The following PPP1R3E variants were observed in gnomAD, a reference collection of about 807,000 sequenced individuals.
PPP1R3E encodes protein phosphatase 1 regulatory subunit 3E, also known as protein phosphatase 1, regulatory (inhibitor) subunit 3E.
PPP1R3E carries 20 observed loss-of-function variants against 18.5 expected under a neutral mutation model. The ratio of observed to expected loss-of-function variants is 1.08; its 90% CI spans 0.76 to 1.58. The LOEUF is 1.58. Among genes scored for constraint, PPP1R3E ranks in the 40% most tolerant of loss-of-function variants. The probability of loss-of-function intolerance (pLI) is 0.00; values close to 1 mark genes in which losing one functional copy is unlikely to be tolerated. For missense variants in PPP1R3E, 498 were observed against 460.2 expected (o/e 1.08, Z -0.75); for synonymous variants, 208 against 208.1 (o/e 1.00, Z 0.00).
Position 23,301,744 on chromosome 14 carries a change from C to T in PPP1R3E, c.532G>A (p.Ala178Thr), listed in dbSNP as rs369376909. The T allele has an allele frequency of 2.1e-5, 29 of 1,413,478 alleles. No homozygotes were observed. In the East Asian group the frequency reaches 2.5e-4, roughly 12 times the overall value. The allele number at this position is 1,413,478 out of a possible 1,614,324, so 87.6% of individuals were successfully genotyped here. The change falls in exon 2 of 5, where the codon GCG becomes ACG. Residue 178 changes from alanine (A) to threonine (T), a missense_variant. Ala to Thr is a moderately conservative substitution (Grantham distance 58). Transcript: ENST00000452015. ...EAGPLGVAGS[A>T]RVVDLAYEKR... ...TCGTAGGCCAGGTCCACCACGCGCG[C>T]GCTCCCGGCCACGCCCAGCGGGCCC...
At position 23,302,245 on chromosome 14, in the gene PPP1R3E, C is replaced by T; in HGVS notation, c.332G>A (p.Arg111Gln). 6.6e-7 allele frequency: 1 copy of T among 1,517,164 alleles called. No individual in the cohort carries two copies. Among genetic ancestry groups the T allele is most frequent in the Non-Finnish European group, 8.8e-7 (1 of 1,140,360 alleles). 94.0% of individuals were successfully genotyped at this position (1,517,164 alleles called of 1,614,324 possible). ...VRRFRPGELPRVPRHVQIQLQ... is the reference protein window; with the variant it reads ...VRRFRPGELPQVPRHVQIQLQ... ...TTGGATCTGCACGTGGCGGGGCACC[C>T]GGGGCAGCTCACCGGGACGGAAGCG... Residue 111 changes from arginine to glutamine, a missense_variant, in exon 1 of 5, where the codon CGG (arginine) becomes CAG (glutamine). Transcript: ENST00000452015.
intron 2 of PPP1R3E, 185 bp from the exon 3 acceptor site, chr14:23,301,049 TAG>T (rs1374812686): frequency 5.0e-6 from 1 of 198,050 alleles, no homozygotes; most frequent in Non-Finnish European, 1.0e-5. Context: ...TTCAACCGCC[TAG>T]GCCTGATGGA....
At position 23,296,674 on chromosome 14, in the gene PPP1R3E, TG is replaced by T. The variant is rs1360726139; in HGVS notation, c.*2629del. On this transcript the variant is annotated 3_prime_UTR_variant, in exon 5 of 5. Transcript: ENST00000452015. ...AGAGACCTGTTTCCTAGCCTGGGAATGGGTGATCAGGAGGCCTGAGTTTAAG... is the reference window on the plus strand; with the variant it reads ...AGAGACCTGTTTCCTAGCCTGGGAATGGTGATCAGGAGGCCTGAGTTTAAG... 2 of 152,240 alleles carry T rather than the reference TG, an allele frequency of 1.3e-5. No homozygotes were observed. The highest frequency in any genetic ancestry group is 4.8e-5 in the African/African-American group (2 of 41,436). 9.4% of individuals were successfully genotyped at this position (152,240 alleles called of 1,614,324 possible).
Position 23,301,463 on chromosome 14 carries a change from C to A in PPP1R3E, c.813G>T (p.Glu271Asp). 6.8e-7 allele frequency: 1 copy of A among 1,461,836 alleles called. No individual in the cohort carries two copies. Among genetic ancestry groups the A allele is most frequent in the Non-Finnish European group, 9.0e-7 (1 of 1,110,808 alleles). 90.6% of individuals were successfully genotyped at this position (1,461,836 alleles called of 1,614,324 possible). Reference protein sequence around the residue: ...PEHPGSGGAPEPQGWIHFI With the variant: ...PEHPGSGGAPDPQGWIHFI ...AGATAAAGTGGATCCAGCCCTGCGG[C>A]TCCGGAGCTCCGCCACTGCCCGGGT... The change falls in exon 2 of 5, where the codon GAG becomes GAT. Residue 271 changes from glutamate to aspartate, a missense_variant. Coordinates refer to ENST00000452015, the MANE Select transcript of PPP1R3E (RefSeq NM_001276318.2).
In PPP1R3E at chr14:23,301,555, G is replaced by T. The variant is rs765562804; in HGVS notation, c.721C>A (p.Arg241Ser). The change falls in exon 2 of 5, where the codon CGT (arginine) becomes AGT (serine). Residue 241 changes from arginine (R) to serine (S), a missense_variant. By Grantham distance (110) the Arg-to-Ser change is moderately radical. Coordinates refer to ENST00000452015, the MANE Select transcript of PPP1R3E (RefSeq NM_001276318.2). ...GGALLFALRY[R>S]VTGHEFWDNN... ...TCCCAGAACTCGTGACCTGTCACAC[G>T]GTAGCGCAAGGCGAAGAGCAGGGCG... The T allele has an allele frequency of 2.0e-6, 3 of 1,484,174 alleles. No homozygotes were observed. The highest frequency in any genetic ancestry group is 2.7e-6 in the Non-Finnish European group (3 of 1,120,320). The allele number at this position is 1,484,174 out of a possible 1,614,324, so 91.9% of individuals were successfully genotyped here.
At position 23,302,469 on chromosome 14, in the gene PPP1R3E, C is replaced by T. The variant is rs561953646; in HGVS notation, c.108G>A (p.Glu36=). ...YYRSQRPSLE[E]EPEEEPGEGG... The stretch of plus-strand genomic sequence containing the variant: ...CCTCGCCTGGCTCCTCCTCCGGCTC[C>T]TCCTCGAGGCTGGGCCGCTGGCTAC... Residue 36 remains glutamate (E), a synonymous_variant, in exon 1 of 5, where the codon GAG becomes GAA. Coordinates refer to ENST00000452015, the MANE Select transcript of PPP1R3E (RefSeq NM_001276318.2). 229 of 1,507,258 alleles carry T rather than the reference C, an allele frequency of 1.5e-4. No homozygotes were observed. Among genetic ancestry groups the T allele is most frequent in the Middle Eastern group, 1.1e-3 (6 of 5,486 alleles). The allele number at this position is 1,507,258 out of a possible 1,614,324, so 93.4% of individuals were successfully genotyped here.
Position 23,301,685 on chromosome 14 carries a change from G to T in PPP1R3E, c.591C>A (p.Gly197=). 7.5e-7 allele frequency: 1 copy of T among 1,334,434 alleles called. No homozygotes were observed. The highest frequency in any genetic ancestry group is 3.2e-5 in the East Asian group (1 of 31,360). 82.7% of individuals were successfully genotyped at this position (1,334,434 alleles called of 1,614,324 possible). Residue 197 remains glycine, a synonymous_variant, in exon 2 of 5, where the codon GGC becomes GGA. Coordinates refer to ENST00000452015, the MANE Select transcript of PPP1R3E (RefSeq NM_001276318.2). ...CTGGCGCCTCGCGTTGGCTCCGCCA[G>T]CCGTCGGCGCTCCAGCGCACGCTCA... ...KRVSVRWSAD[G]WRSQREAPAA... is the part of the protein sequence containing the mutation.
At position 23,302,528 on chromosome 14, in the gene PPP1R3E, A is replaced by G; in HGVS notation, c.49T>C (p.Phe17Leu). ...GCGCGCTCCGTTAGCGCGGCGATGA[A>G]GCTCAGGTTGCGGGGAATGTCGGTG... is the stretch of plus-strand genomic sequence containing the variant. Reference protein sequence around the residue: ...PGTDIPRNLSFIAALTERAYY... With the variant: ...PGTDIPRNLSLIAALTERAYY... Residue 17 changes from phenylalanine to leucine, a missense_variant, in exon 1 of 5, where the codon TTC becomes CTC. Transcript: ENST00000452015. 6.7e-7 allele frequency: 1 copy of G among 1,494,316 alleles called. No homozygotes were observed. The highest frequency in any genetic ancestry group is 8.8e-7 in the Non-Finnish European group (1 of 1,130,398). The allele number at this position is 1,494,316 out of a possible 1,614,324, so 92.6% of individuals were successfully genotyped here.
At position 23,301,381 on chromosome 14, in the gene PPP1R3E, G is replaced by A. The variant is rs1025496196; in HGVS notation, c.*55C>T. ...CTACTCCTCCCCGCCACATCGGGTC[G>A]CCCCGCCCCCGGGTGCCTTTGGTGT... On this transcript the variant is annotated 3_prime_UTR_variant, in exon 2 of 5. Coordinates refer to ENST00000452015, the MANE Select transcript of PPP1R3E (RefSeq NM_001276318.2). 42 of 1,308,228 alleles carry A rather than the reference G, an allele frequency of 3.2e-5. No individual in the cohort carries two copies. Among genetic ancestry groups the A allele is most frequent in the Non-Finnish European group, 4.1e-5 (42 of 1,026,776 alleles). The allele number at this position is 1,308,228 out of a possible 1,614,324, so 81.0% of individuals were successfully genotyped here. A position where few individuals can be genotyped will look rare whatever the true frequency, so the allele number is the denominator to read the frequency against.
In PPP1R3E at chr14:23,301,877, G is replaced by A. The variant is rs765396697; in HGVS notation, c.418-19C>T. On this transcript the variant is annotated intron_variant, in intron 1 of 4. Coordinates refer to ENST00000452015, the MANE Select transcript of PPP1R3E (RefSeq NM_001276318.2). ...GCGCCTCCTGGGGGAAAGAAGAAGC[G>A]GGAGGAGGGAGCCCAGGGCGGAGAG... 19 of 1,420,976 alleles carry A rather than the reference G, an allele frequency of 1.3e-5. No individual in the cohort carries two copies. The East Asian group carries it at 5.1e-4, about 38-fold the overall frequency. The allele number at this position is 1,420,976 out of a possible 1,614,324, so 88.0% of individuals were successfully genotyped here. A position where few individuals can be genotyped will look rare whatever the true frequency, so the allele number is the denominator to read the frequency against.
chr14:23,302,645 C>G lies in PPP1R3E; in HGVS notation c.-69G>C. The stretch of plus-strand genomic sequence containing the variant: ...CTCCCCTCTCTTCCTCTCTCCCGCC[C>G]GCCCCGCGTCAGCGCAGAAGTCGCT... On this transcript the variant is annotated 5_prime_UTR_variant, in exon 1 of 5. Coordinates refer to ENST00000452015, the MANE Select transcript of PPP1R3E (RefSeq NM_001276318.2). 1 of 1,367,210 alleles carries G rather than the reference C, an allele frequency of 7.3e-7. No homozygotes were observed. Among genetic ancestry groups the G allele is most frequent in the Middle Eastern group, 2.6e-4 (1 of 3,856 alleles). The allele number at this position is 1,367,210 out of a possible 1,614,324, so 84.7% of individuals were successfully genotyped here.
At chr14:23,299,695 G>T (rs1886970975) in intron 3 of PPP1R3E, 154 bp from the exon 4 acceptor site, 1 of 151,854 alleles carries the variant, frequency 6.6e-6, no homozygotes, top group Non-Finnish European at 1.5e-5. Flanking sequence ...CACAAGGAAA[G>T]AAAGAGAGAA....
In PPP1R3E at chr14:23,302,765, C is replaced by T; in HGVS notation, c.-189G>A. On this transcript the variant is annotated 5_prime_UTR_variant, in exon 1 of 5. Coordinates refer to ENST00000452015, the MANE Select transcript of PPP1R3E (RefSeq NM_001276318.2). ...CGTTGCTTTGCCTCTCCTCTGTGAC[C>T]ACCCTTCCCTCCCTCTGGCCGTCAG... is the stretch of plus-strand genomic sequence containing the variant. The T allele has an allele frequency of 1.8e-6, 1 of 558,030 alleles. No individual in the cohort carries two copies. The highest frequency in any genetic ancestry group is 4.1e-5 in the Admixed American group (1 of 24,458). The allele number at this position is 558,030 out of a possible 1,614,324, so 34.6% of individuals were successfully genotyped here.
chr14:23,302,478 G>T lies in PPP1R3E; in HGVS notation c.99C>A (p.Ser33Arg). 1 of 1,506,054 alleles carries T rather than the reference G, an allele frequency of 6.6e-7. No homozygotes were observed. The highest frequency in any genetic ancestry group is 8.8e-7 in the Non-Finnish European group (1 of 1,136,122). 93.3% of individuals were successfully genotyped at this position (1,506,054 alleles called of 1,614,324 possible). ...GCTCCTCCTCCGGCTCCTCCTCGAG[G>T]CTGGGCCGCTGGCTACGGTAGTAGG... Reference protein sequence around the residue: ...ERAYYRSQRPSLEEEPEEEPG... With the variant: ...ERAYYRSQRPRLEEEPEEEPG... The change falls in exon 1 of 5, where the codon AGC (serine) becomes AGA (arginine). Residue 33 changes from serine (S) to arginine (R), a missense_variant. Ser to Arg is a moderately radical substitution (Grantham distance 110, BLOSUM62 -1). Transcript: ENST00000452015.
rs1303524241 is a variant in PPP1R3E, at chr14:23,302,316, T to C, written c.261A>G (p.Arg87=). 6.6e-7 allele frequency: 1 copy of C among 1,517,976 alleles called. No individual in the cohort carries two copies. The highest frequency in any genetic ancestry group is 1.4e-5 in the African/African-American group (1 of 69,988). 94.0% of individuals were successfully genotyped at this position (1,517,976 alleles called of 1,614,324 possible). The change falls in exon 1 of 5, where the codon AGA becomes AGG. Residue 87 remains arginine, a synonymous_variant. Transcript: ENST00000452015. ...ACCCCAGTGCGTCGGCGAAACGCAC[T>C]CTCTTGCGGGTGTCTGGGCTACGGC... ...PRSRSPDTRK[R]VRFADALGLE... is the part of the protein sequence containing the mutation.
At position 23,300,848 on chromosome 14, in the gene PPP1R3E, G is replaced by A. The variant is rs1035273248; in HGVS notation, c.*155C>T. On this transcript the variant is annotated 3_prime_UTR_variant, in exon 3 of 5. Transcript: ENST00000452015. ...TCCCGTCATAATGCCAAGGACCAAG[G>A]AGCAGTGGCCAGGTTCCTGGGATTA... 1 of 152,342 alleles carries A rather than the reference G, an allele frequency of 6.6e-6. No homozygotes were observed. The highest frequency in any genetic ancestry group is 2.4e-5 in the African/African-American group (1 of 41,462). The allele number at this position is 152,342 out of a possible 1,614,324, so 9.4% of individuals were successfully genotyped here. A position where few individuals can be genotyped will look rare whatever the true frequency, so the allele number is the denominator to read the frequency against.
At chr14:23,299,926 TG>T (rs1886982324) in intron 3 of PPP1R3E, among the ~76,000 whole-genome samples, 6 of 91,236 alleles carry the variant, frequency 6.6e-5, no homozygotes, top group Admixed American at 1.3e-4. Flanking sequence ...TTTTTGTTTT[TG>T]TTTTTTTTTT....
chr14:23,302,805 G>A lies in PPP1R3E; in HGVS notation c.-229C>T. On this transcript the variant is annotated 5_prime_UTR_variant, in exon 1 of 5. Coordinates refer to ENST00000452015, the MANE Select transcript of PPP1R3E (RefSeq NM_001276318.2). ...CTGGCCGTCAGCTTCCAGGGTCTTAGACTATCACATCCTGCCTCCTGCTAG... is the reference window on the plus strand; with the variant it reads ...CTGGCCGTCAGCTTCCAGGGTCTTAAACTATCACATCCTGCCTCCTGCTAG... 2.0e-6 allele frequency: 1 copy of A among 494,696 alleles called. No homozygotes were observed. Among genetic ancestry groups the A allele is most frequent in the Non-Finnish European group, 3.5e-6 (1 of 284,206 alleles). 30.6% of individuals were successfully genotyped at this position (494,696 alleles called of 1,614,324 possible). A position where few individuals can be genotyped will look rare whatever the true frequency, so the allele number is the denominator to read the frequency against.
chr14:23,302,774 C>G lies in PPP1R3E; in HGVS notation c.-198G>C. ...GCCTCTCCTCTGTGACCACCCTTCC[C>G]TCCCTCTGGCCGTCAGCTTCCAGGG... is the stretch of plus-strand genomic sequence containing the variant. On this transcript the variant is annotated 5_prime_UTR_variant, in exon 1 of 5. Coordinates refer to ENST00000452015, the MANE Select transcript of PPP1R3E (RefSeq NM_001276318.2). The G allele has an allele frequency of 3.7e-6, 2 of 536,780 alleles. No homozygotes were observed. 33.3% of individuals were successfully genotyped at this position (536,780 alleles called of 1,614,324 possible).
Sources: gnomAD v4.1 joint callset for allele counts (sites outside exome capture counted in the v4.1 genomes callset) on GRCh38, gnomAD v4.1.1 for gene constraint, MANE v1.5 for transcripts, NCBI Gene and HGNC (gene_info 2026-07-23, HGNC 2026-07-21) for gene names.